The following SPTLC3 variants were observed in gnomAD, a reference collection of about 807,000 sequenced individuals.
The protein encoded by SPTLC3 is serine palmitoyltransferase 3.
SPTLC3 carries 36 observed loss-of-function variants against 59.3 expected under a neutral mutation model. The ratio of observed to expected loss-of-function variants is 0.61; its 90% CI spans 0.47 to 0.80. The LOEUF (loss-of-function observed/expected upper bound fraction) is 0.80. Among genes scored for constraint, SPTLC3 ranks in the 30% least tolerant of loss-of-function variants. The pLI, the probability that SPTLC3 is intolerant of heterozygous loss-of-function variation, is 0.00. For synonymous variants in SPTLC3, 257 were observed against 240.8 expected (o/e 1.07, Z -0.62); for missense variants, 625 against 685.1 (o/e 0.91, Z 0.98).
At chr20:13,110,254 G>T in intron 7 of SPTLC3, 37 bp downstream of exon 7, 1 of 1,571,290 alleles carries the variant, frequency 6.4e-7, no homozygotes, top group Non-Finnish European at 8.7e-7. Flanking sequence ...CGACTCGGAG[G>T]CCTGCAGCAA....
intron 1 of SPTLC3, among the ~76,000 whole-genome samples, chr20:13,012,808 C>T (rs1263234130): frequency 6.6e-6 from 1 of 152,152 alleles, no homozygotes; most frequent in African/African-American, 2.4e-5. Flanking sequence ...AAGCCAGTTC[C>T]TTTTTCAGTA....
chr20:13,154,718 A>G (rs1413889013), intron 10 of SPTLC3, among the ~76,000 whole-genome samples: 5 of 152,170 alleles, frequency 3.3e-5, no homozygotes, highest in Admixed American at 3.3e-4. Flanking sequence ...CTTACTGTGA[A>G]CCTGTTTGGG....
intron 3 of SPTLC3, among the ~76,000 whole-genome samples, chr20:13,073,351 A>G (rs150018976): frequency 2.6e-5 from 4 of 152,296 alleles, no homozygotes; most frequent in African/African-American, 7.2e-5. Context: ...AAAGGCCTCT[A>G]GTTCCATCCA....
chr20:13,120,041 A>T (rs990760544), intron 8 of SPTLC3, among the ~76,000 whole-genome samples: 2 of 152,216 alleles, frequency 1.3e-5, no homozygotes, highest in African/African-American at 4.8e-5. Context: ...TATAATTTCA[A>T]GTCAAACATA....
Position 13,016,857 on chromosome 20 carries a change from G to A in SPTLC3, c.117+7473G>A, listed in dbSNP as rs189544104. On this transcript the variant is annotated intron_variant, in intron 1 of 11. Coordinates refer to ENST00000399002, the MANE Select transcript of SPTLC3 (RefSeq NM_018327.4). ...TGTCTTGAGATCTTCAAAGTGCCAG[G>A]CATTCCCAGTGCTTTATGTTCATCA... Among the ~76,000 whole-genome samples, 655 of 152,174 alleles carry A rather than the reference G, an allele frequency of 4.3e-3. 7 individuals carry two copies. Among genetic ancestry groups the A allele is most frequent in the African/African-American group, 0.015 (629 of 41,532 alleles).
intron 4 of SPTLC3, among the ~76,000 whole-genome samples, chr20:13,088,117 C>T (rs966193202): frequency 6.6e-6 from 1 of 152,168 alleles, no homozygotes; most frequent in East Asian, 1.9e-4. Context: ...GGAACCATTC[C>T]CATTGGGAAG....
intron 4 of SPTLC3, among the ~76,000 whole-genome samples, chr20:13,078,189 T>C (rs993652216): frequency 7.5e-6 from 1 of 133,250 alleles, no homozygotes; most frequent in Non-Finnish European, 1.6e-5. Context: ...AAAGAAAATA[T>C]AAATATAAAT....
intron 11 of SPTLC3, among the ~76,000 whole-genome samples, chr20:13,162,539 G>T (rs563531024): frequency 6.6e-6 from 1 of 152,228 alleles, no homozygotes; most frequent in South Asian, 2.1e-4. Context: ...AGTACATTAA[G>T]GTAGCAATTG....
intron 10 of SPTLC3, among the ~76,000 whole-genome samples, chr20:13,157,326 A>G (rs2038796614): frequency 1.3e-5 from 2 of 152,020 alleles, no homozygotes; most frequent in Admixed American, 1.3e-4. Context: ...ACTCTCAGCT[A>G]CTTGGGAGAT....
intron 8 of SPTLC3, among the ~76,000 whole-genome samples, chr20:13,122,759 C>A (rs965044271): frequency 1.3e-5 from 2 of 152,190 alleles, no homozygotes; most frequent in African/African-American, 4.8e-5. Context: ...GTCATTCAAC[C>A]TGTCATCAAG....
chr20:13,033,284 A>G (rs1455076782), intron 1 of SPTLC3, among the ~76,000 whole-genome samples: 1 of 152,200 alleles, frequency 6.6e-6, no homozygotes, highest in Non-Finnish European at 1.5e-5. Context: ...TCCCAATGGC[A>G]TAACCCAACA....
At chr20:13,118,496 AG>A (rs1990716532) in intron 8 of SPTLC3, among the ~76,000 whole-genome samples, 1 of 151,958 alleles carries the variant, frequency 6.6e-6, no homozygotes, top group African/African-American at 2.4e-5. Flanking sequence ...GAAATTTAAA[AG>A]GAGGGAAAGG....
rs112848058 is a variant in SPTLC3, at chr20:13,023,434, G to C, written c.117+14050G>C. On this transcript the variant is annotated intron_variant, in intron 1 of 11. Transcript: ENST00000399002. ...TTCACTGCTGAATCTCTAGTACCTA[G>C]ACCAGAGCCTATATGTAATAGGAGC... is the stretch of plus-strand genomic sequence containing the variant. Among the ~76,000 whole-genome samples the C allele has an allele frequency of 2.6e-3, 396 of 152,146 alleles. 1 individual carries two copies. Among genetic ancestry groups the C allele is most frequent in the African/African-American group, 8.9e-3 (368 of 41,492 alleles).
At chr20:13,024,905 CT>C (rs1218203435) in intron 1 of SPTLC3, among the ~76,000 whole-genome samples, 1 of 152,186 alleles carries the variant, frequency 6.6e-6, no homozygotes, top group East Asian at 1.9e-4. Context: ...ACTCCATCCC[CT>C]GTCTTCTTGA....
chr20:13,083,523 C>A (rs578164790), intron 4 of SPTLC3, among the ~76,000 whole-genome samples: 1 of 152,284 alleles, frequency 6.6e-6, no homozygotes, highest in East Asian at 1.9e-4. Context: ...AATCACAGAA[C>A]TGAGGTTCAG....
rs565732807 is a variant in SPTLC3 at position 13,032,671 on chromosome 20, ATAT to A, written c.118-16272_118-16270del. Among the ~76,000 whole-genome samples, 6 of 152,180 alleles carry A rather than the reference ATAT, an allele frequency of 3.9e-5. No homozygotes were observed. In the East Asian group the frequency reaches 1.2e-3, roughly 29 times the overall value. ...CCTCATTCACTCATTTCTTCAGCAG[ATAT>A]TCACTAAACACTCTGCTGGGGACTC... On this transcript the variant is annotated intron_variant, in intron 1 of 11. Transcript: ENST00000399002.
At chr20:13,041,912 A>G (rs1986998990) in intron 1 of SPTLC3, among the ~76,000 whole-genome samples, 1 of 152,134 alleles carries the variant, frequency 6.6e-6, no homozygotes, top group African/African-American at 2.4e-5. Flanking sequence ...CTTCTATATG[A>G]CTGTGCCTTC....
intron 1 of SPTLC3, among the ~76,000 whole-genome samples, chr20:13,044,012 C>T (rs543849419): frequency 6.6e-6 from 1 of 152,252 alleles, no homozygotes; most frequent in South Asian, 2.1e-4. Flanking sequence ...CTTCCTCCCT[C>T]TCCCACTTGC....
chr20:13,112,001 T>C (rs1328524950), intron 7 of SPTLC3, among the ~76,000 whole-genome samples: 1 of 152,164 alleles, frequency 6.6e-6, no homozygotes, highest in Non-Finnish European at 1.5e-5. Flanking sequence ...GACTTCCAGC[T>C]CCAAGCCAGA....
Sources: allele counts gnomAD v4.1 joint callset (sites outside exome capture counted in the v4.1 genomes callset), GRCh38; gene constraint gnomAD v4.1.1; transcripts MANE v1.5; gene names NCBI Gene and HGNC (gene_info 2026-07-23, HGNC 2026-07-21).